Variants in FAM53A observed in about 807,000 individuals in gnomAD.
The protein encoded by FAM53A is family with sequence similarity 53 member A.
A neutral mutation model predicts 26.6 loss-of-function variants in FAM53A; 28 were observed. The ratio of observed to expected loss-of-function variants is 1.05; its 90% CI spans 0.78 to 1.45. The LOEUF is 1.45. FAM53A is among the 40% of genes most tolerant of loss of function. FAM53A has a pLI of 0.00. For synonymous variants in FAM53A, 290 were observed against 253.1 expected, an observed-to-expected ratio of 1.15 and a Z score of -1.38; for missense variants, 650 against 575.8, an observed-to-expected ratio of 1.13 and a Z score of -1.32.
chr4:1,673,602 G>A (rs182603162), intron 1 of FAM53A, among the ~76,000 whole-genome samples: 300 of 152,262 alleles, frequency 2.0e-3, no homozygotes, highest in Non-Finnish European at 3.4e-3. Flanking sequence ...GTGTGATGGC[G>A]CACACCTGTA....
intron 1 of FAM53A, among the ~76,000 whole-genome samples, chr4:1,681,296 C>T (rs1295579190): frequency 2.6e-5 from 4 of 151,892 alleles, no homozygotes; most frequent in Non-Finnish European, 5.9e-5. Flanking sequence ...CGGGGTTTCG[C>T]CATGTTGGCC....
chr4:1,647,045 C>T (rs906344396), intron 4 of FAM53A, among the ~76,000 whole-genome samples: 1 of 152,104 alleles, frequency 6.6e-6, no homozygotes, highest in African/African-American at 2.4e-5. Context: ...AGTAGCTTCG[C>T]CAGTAAAAGC....
At chr4:1,595,048 C>T in the FAM53A span, among the ~76,000 whole-genome samples, 7 of 152,194 alleles carry the variant, frequency 4.6e-5, no homozygotes, top group South Asian at 2.1e-4. Flanking sequence ...GCTTGCTCAT[C>T]GGGGACCAAC....
chr4:1,579,262 C>T, the FAM53A span, among the ~76,000 whole-genome samples: 1 of 151,254 alleles, frequency 6.6e-6, no homozygotes, highest in East Asian at 2.0e-4. Context: ...GGCCCCCGGC[C>T]CCGCCCGCGC....
chr4:1,599,964 C>T, the FAM53A span, among the ~76,000 whole-genome samples: 1 of 152,076 alleles, frequency 6.6e-6, no homozygotes, highest in Non-Finnish European at 1.5e-5. This position sits in a 1 kb window ranked among gnomAD's most constrained non-coding sequence, Gnocchi z 6.1. Context: ...TCTCCCTCTC[C>T]CTTCCCCTGA....
chr4:1,653,595 T>C (rs1713067409), intron 4 of FAM53A, among the ~76,000 whole-genome samples: 3 of 152,182 alleles, frequency 2.0e-5, no homozygotes. Context: ...CTTTCCAGCA[T>C]TTACTGGCTT....
At chr4:1,603,994 T>A in the FAM53A span, among the ~76,000 whole-genome samples, 1 of 152,132 alleles carries the variant, frequency 6.6e-6, no homozygotes, top group African/African-American at 2.4e-5. Flanking sequence ...TGGGCACAGC[T>A]GCTGCCTCCA....
chr4:1,645,585 C>T (rs903550111), intron 4 of FAM53A, among the ~76,000 whole-genome samples: 21 of 152,336 alleles, frequency 1.4e-4, no homozygotes, highest in Admixed American at 2.6e-4. Context: ...AGGGGACTCT[C>T]CGCCCTGACC....
At chr4:1,599,394 C>T in the FAM53A span, among the ~76,000 whole-genome samples, 4 of 152,340 alleles carry the variant, frequency 2.6e-5, no homozygotes, top group South Asian at 8.3e-4. This position sits in a 1 kb window ranked among gnomAD's most constrained non-coding sequence, Gnocchi z 6.1. Context: ...GGCATGGCAC[C>T]TGGACCTGAG....
intron 4 of FAM53A, 91 bp from the exon 5 acceptor site, chr4:1,641,698 G>C (rs1711738376): frequency 7.5e-7 from 1 of 1,340,920 alleles, no homozygotes; most frequent in African/African-American, 1.4e-5. Flanking sequence ...CGGTGTGCTG[G>C]GGCTCTGGCC....
chr4:1,589,737 T>A, the FAM53A span, among the ~76,000 whole-genome samples: 1 of 152,158 alleles, frequency 6.6e-6, no homozygotes, highest in Non-Finnish European at 1.5e-5. Context: ...AATTTTCCCT[T>A]CATTATTTTT....
intron 4 of FAM53A, among the ~76,000 whole-genome samples, chr4:1,651,223 G>GA (rs796236932): frequency 0.24 from 25,759 of 109,510 alleles, 3,063 homozygotes; most frequent in Middle Eastern, 0.34. Flanking sequence ...ACTCCATCTC[G>GA]AAAAAAAAAA....
At chr4:1,644,296 C>T (rs1476304576) in intron 4 of FAM53A, 1 of 1,535,994 alleles carries the variant, frequency 6.5e-7, no homozygotes, top group Non-Finnish European at 8.7e-7. Context: ...TAAGCTCACG[C>T]CGAGGCCTCG....
chr4:1,582,606 A>G, the FAM53A span, among the ~76,000 whole-genome samples: 1 of 152,210 alleles, frequency 6.6e-6, no homozygotes, highest in Non-Finnish European at 1.5e-5. Context: ...CTGCGATCTC[A>G]GCACTTTGGG....
intron 1 of FAM53A, among the ~76,000 whole-genome samples, chr4:1,675,467 T>C (rs1170112711): frequency 3.3e-5 from 5 of 152,296 alleles, no homozygotes; most frequent in South Asian, 4.1e-4. Flanking sequence ...AGAGGACGGC[T>C]ACAACGAACT....
At chr4:1,579,271 G>T in the FAM53A span, among the ~76,000 whole-genome samples, 2 of 137,512 alleles carry the variant, frequency 1.5e-5, no homozygotes, top group Non-Finnish European at 3.1e-5. Flanking sequence ...CCCCGCCCGC[G>T]CCTGCTGGGC....
At position 1,641,044 on chromosome 4, in the gene FAM53A, G is replaced by A; in HGVS notation, c.*249C>T. 4.4e-6 allele frequency: 2 copies of A among 457,736 alleles called. No homozygotes were observed. The highest frequency in any genetic ancestry group is 7.5e-6 in the Non-Finnish European group (2 of 265,430). The allele number at this position is 457,736 out of a possible 1,614,324, so 28.4% of individuals were successfully genotyped here. A position where few individuals can be genotyped will look rare whatever the true frequency, so the allele number is the denominator to read the frequency against. On this transcript the variant is annotated 3_prime_UTR_variant, in exon 5 of 5. Coordinates refer to ENST00000308132, the MANE Select transcript of FAM53A (RefSeq NM_001174070.3). Reference sequence around the variant, plus strand: ...CAGCCGTGGCCCCGACCAGCTCACAGGAAACCTACTCTGTGCCCCAGGGCA... The same window carrying A: ...CAGCCGTGGCCCCGACCAGCTCACAAGAAACCTACTCTGTGCCCCAGGGCA...
chr4:1,635,003 T>A (rs573967238), downstream of FAM53A, among the ~76,000 whole-genome samples: 2 of 152,348 alleles, frequency 1.3e-5, no homozygotes, highest in East Asian at 3.9e-4. Flanking sequence ...GCAGGACTAT[T>A]TACAGGTTCT....
At chr4:1,582,373 C>T in the FAM53A span, among the ~76,000 whole-genome samples, 26 of 152,326 alleles carry the variant, frequency 1.7e-4, no homozygotes, top group Middle Eastern at 0.02. Flanking sequence ...CTCCCTGCCA[C>T]GGACGTCACC....
Sources: allele counts gnomAD v4.1 joint callset (sites outside exome capture counted in the v4.1 genomes callset), GRCh38; gene constraint gnomAD v4.1.1; non-coding constraint Gnocchi (gnomAD v3.1); transcripts MANE v1.5; gene names NCBI Gene and HGNC (gene_info 2026-07-23, HGNC 2026-07-21).